CSMD1: variants seen among roughly 807,000 people sequenced by gnomAD.
CSMD1 encodes the protein CUB and Sushi multiple domains 1, also known as CUB and sushi domain-containing protein 1.
Under a neutral mutation model 417.5 loss-of-function variants are expected in CSMD1, and 213 were observed. That is an observed-to-expected ratio of 0.51 (90% CI 0.46 to 0.57). The LOEUF (loss-of-function observed/expected upper bound fraction) is 0.57, where lower values mean the gene tolerates loss of function less well. Among genes scored for constraint, CSMD1 ranks in the 20% least tolerant of loss-of-function variants. The pLI is 0.00. For synonymous variants in CSMD1, 2,862 were observed against 1,736.8 expected, an observed-to-expected ratio of 1.65 and a Z score of -16.11; for missense variants, 6,923 against 4,529.7, an observed-to-expected ratio of 1.53 and a Z score of -15.17.
chr8:4,786,786 C>T (rs971521181), intron 1 of CSMD1, among the ~76,000 whole-genome samples: 4 of 152,020 alleles, frequency 2.6e-5, no homozygotes, highest in African/African-American at 4.8e-5. Context: ...TTCAAGCATG[C>T]ATACATAGAT....
chr8:4,018,988 G>C (rs994869061), intron 4 of CSMD1, among the ~76,000 whole-genome samples: 1 of 152,176 alleles, frequency 6.6e-6, no homozygotes, highest in Non-Finnish European at 1.5e-5. Flanking sequence ...GTTTAACTCT[G>C]ATTACCACAC....
At chr8:3,800,662 G>A (rs537522279) in intron 5 of CSMD1, among the ~76,000 whole-genome samples, 33 of 152,270 alleles carry the variant, frequency 2.2e-4, no homozygotes, top group South Asian at 1.0e-3. Flanking sequence ...CCTCATGAAC[G>A]GCTTGGTGAT....
chr8:3,933,259 T>C (rs1810276363), intron 5 of CSMD1, among the ~76,000 whole-genome samples: 2 of 152,204 alleles, frequency 1.3e-5, no homozygotes, highest in South Asian at 2.1e-4. Context: ...ACGTGTTAAA[T>C]TGACTAATCT....
At chr8:4,367,591 T>A (rs1008600435) in intron 3 of CSMD1, among the ~76,000 whole-genome samples, 10 of 152,154 alleles carry the variant, frequency 6.6e-5, no homozygotes, top group African/African-American at 2.2e-4. Flanking sequence ...CTTTTTCTAA[T>A]TCTGTAAAAA....
At chr8:4,194,549 G>A (rs556527360) in intron 3 of CSMD1, among the ~76,000 whole-genome samples, 20 of 152,054 alleles carry the variant, frequency 1.3e-4, no homozygotes, top group African/African-American at 4.8e-4. Flanking sequence ...TTATAATGTT[G>A]GCAACAGCAA....
chr8:4,068,271 T>G (rs1218338053), intron 3 of CSMD1, among the ~76,000 whole-genome samples: 1 of 151,580 alleles, frequency 6.6e-6, no homozygotes, highest in Admixed American at 6.6e-5. Flanking sequence ...CCTCGGAGAG[T>G]TGAGAAGTCT....
At chr8:4,220,012 C>T (rs559342533) in intron 3 of CSMD1, among the ~76,000 whole-genome samples, 3 of 151,938 alleles carry the variant, frequency 2.0e-5, no homozygotes, top group African/African-American at 7.2e-5. Flanking sequence ...TGCAGTGGTG[C>T]GATCTAGGCT....
chr8:3,768,283 G>C lies in CSMD1; in HGVS notation c.819-14241C>G, dbSNP rs1289670243. Among the ~76,000 whole-genome samples the C allele has an allele frequency of 2.0e-5, 3 of 152,286 alleles. No individual in the cohort carries two copies. The East Asian group carries it at 5.8e-4, about 29-fold the overall frequency. ...CGGGCCAAGTGAATATCATGATTGA[G>C]CTAGGTGGTTGGTTCACCTTCCCAC... On this transcript the variant is annotated intron_variant, in intron 5 of 69. Coordinates refer to ENST00000635120, the MANE Select transcript of CSMD1 (RefSeq NM_033225.6).
intron 1 of CSMD1, among the ~76,000 whole-genome samples, chr8:4,688,572 GCAGT>G (rs549901871): frequency 6.4e-4 from 97 of 152,272 alleles, no homozygotes; most frequent in African/African-American, 2.2e-3. Flanking sequence ...CCACTAAGCA[GCAGT>G]CAGAGAGTGA....
intron 5 of CSMD1, among the ~76,000 whole-genome samples, chr8:3,845,266 G>T (rs779434787): frequency 6.6e-5 from 10 of 152,176 alleles, no homozygotes; most frequent in Admixed American, 1.3e-4. Context: ...ATTTGTCCTT[G>T]TGCAAATATC....
intron 2 of CSMD1, among the ~76,000 whole-genome samples, chr8:4,436,486 G>C (rs1193065377): frequency 2.0e-5 from 3 of 152,196 alleles, no homozygotes; most frequent in East Asian, 3.9e-4. Context: ...AATCACCTCA[G>C]GTTGAGGGGT....
intron 6 of CSMD1, among the ~76,000 whole-genome samples, chr8:3,732,428 C>T (rs1326044219): frequency 1.3e-5 from 2 of 152,078 alleles, no homozygotes; most frequent in South Asian, 2.1e-4. Flanking sequence ...TGAACCAAGT[C>T]ATACTGGAAG....
In CSMD1 at chr8:3,308,456, A is replaced by G; in HGVS notation, c.3679T>C (p.Tyr1227His). 2 of 1,613,710 alleles carry G rather than the reference A, an allele frequency of 1.2e-6. No homozygotes were observed. The highest frequency in any genetic ancestry group is 1.7e-6 in the Non-Finnish European group (2 of 1,179,746). ...AAGTGGCCTTCATCACGGATCCTATAGCCGTAGTTAGGGATGCCCGGATCC... is the reference window on the plus strand; with the variant it reads ...AAGTGGCCTTCATCACGGATCCTATGGCCGTAGTTAGGGATGCCCGGATCC... ...CEDPGIPNYG[Y>H]RIRDEGHFTD... The change falls in exon 24 of 70, where the codon TAT becomes CAT. Residue 1227 changes from tyrosine (Y) to histidine (H), a missense_variant. Coordinates refer to ENST00000635120, the MANE Select transcript of CSMD1 (RefSeq NM_033225.6).
At chr8:3,743,882 G>A (rs531936917) in intron 6 of CSMD1, among the ~76,000 whole-genome samples, 10 of 152,228 alleles carry the variant, frequency 6.6e-5, no homozygotes, top group African/African-American at 2.2e-4. Flanking sequence ...GTAAAATCCA[G>A]ATTCCCTGCC....
At chr8:3,327,212 T>G (rs1806590344) in intron 23 of CSMD1, among the ~76,000 whole-genome samples, 4 of 151,966 alleles carry the variant, frequency 2.6e-5, no homozygotes, top group Admixed American at 1.3e-4. Flanking sequence ...GCAGGATCTC[T>G]GCTCACTGTA....
chr8:3,137,693 C>T (rs932148147), intron 41 of CSMD1, among the ~76,000 whole-genome samples: 6 of 152,174 alleles, frequency 3.9e-5, no homozygotes, highest in African/African-American at 1.4e-4. Context: ...AAAGCAAATG[C>T]CGTGTAAATA....
At chr8:4,299,339 G>A (rs766232760) in intron 3 of CSMD1, among the ~76,000 whole-genome samples, 2 of 152,088 alleles carry the variant, frequency 1.3e-5, no homozygotes, top group African/African-American at 2.4e-5. Context: ...ACTTCCAAGA[G>A]GGGGTTTTTA....
At chr8:4,173,065 A>G (rs530642754) in intron 3 of CSMD1, among the ~76,000 whole-genome samples, 1 of 152,286 alleles carries the variant, frequency 6.6e-6, no homozygotes, top group Admixed American at 6.5e-5. Flanking sequence ...CCAGCAATAA[A>G]TAACTTCCAT....
chr8:3,065,457 A>G (rs1020514727), intron 49 of CSMD1, among the ~76,000 whole-genome samples: 12 of 152,186 alleles, frequency 7.9e-5, no homozygotes, highest in African/African-American at 2.4e-4. Flanking sequence ...ACAGAGAGAT[A>G]TAGATAGAAA....
Sources: gnomAD v4.1 joint callset for allele counts (sites outside exome capture counted in the v4.1 genomes callset) on GRCh38, gnomAD v4.1.1 for gene constraint, MANE v1.5 for transcripts, NCBI Gene and HGNC (gene_info 2026-07-23, HGNC 2026-07-21) for gene names.